The following MEP1B variants were observed in gnomAD, a reference collection of about 807,000 sequenced individuals.
The protein encoded by MEP1B is meprin A subunit beta.
MEP1B carries 80 observed loss-of-function variants against 84.6 expected under a neutral mutation model. That is an observed-to-expected ratio of 0.95 (90% confidence interval 0.79 to 1.14). The LOEUF (loss-of-function observed/expected upper bound fraction) is 1.14, where lower values mean the gene tolerates loss of function less well. MEP1B is among the 50% of genes most tolerant of loss of function. MEP1B has a pLI of 0.00. For missense variants in MEP1B, 766 were observed against 855.1 expected (o/e 0.90, Z 1.30); for synonymous variants, 273 against 288.1 (o/e 0.95, Z 0.53).
At chr18:32,209,818 A>AC (rs567700552) in intron 9 of MEP1B, among the ~76,000 whole-genome samples, 2 of 150,436 alleles carry the variant, frequency 1.3e-5, no homozygotes, top group South Asian at 2.1e-4. Context: ...TAAAAAAAAA[A>AC]GGGGGGCGGG....
intron 5 of MEP1B, among the ~76,000 whole-genome samples, chr18:32,197,929 T>C (rs1036219207): frequency 2.0e-5 from 3 of 152,196 alleles, no homozygotes; most frequent in African/African-American, 7.2e-5. Flanking sequence ...TTTGTTCTCA[T>C]CTTTACATCC....
intron 5 of MEP1B, among the ~76,000 whole-genome samples, chr18:32,201,376 G>A (rs1324293355): frequency 1.3e-5 from 2 of 151,128 alleles, no homozygotes; most frequent in South Asian, 2.1e-4. Context: ...CCATCTCAGC[G>A]TCCTCGGATT....
At chr18:32,211,608 A>G (rs533076041) in intron 10 of MEP1B, among the ~76,000 whole-genome samples, 5 of 152,328 alleles carry the variant, frequency 3.3e-5, no homozygotes, top group South Asian at 4.1e-4. Context: ...GAACTGGGAT[A>G]CTTATGTCTT....
chr18:32,204,308 G>A lies in MEP1B; in HGVS notation c.495G>A (p.Ser165=), dbSNP rs759506843. 7 of 1,603,346 alleles carry A rather than the reference G, an allele frequency of 4.4e-6. No homozygotes were observed. The highest frequency in any genetic ancestry group is 2.2e-5 in the East Asian group (1 of 44,704). The part of the protein sequence containing the change: ...LHALGFWHEQ[S]RSDRDDYVRI... ...CTCTGGGATTCTGGCATGAGCAGTC[G>A]CGTTCTGACCGGGATGACTATGTCA... The change falls in exon 7 of 15, where the codon TCG becomes TCA. Residue 165 remains serine, a synonymous_variant. Transcript: ENST00000269202.
rs1394903360 is a variant in MEP1B at position 32,220,095 on chromosome 18, A to G, written c.2092-136A>G. 5.4e-5 allele frequency: 40 copies of G among 738,370 alleles called. No individual in the cohort carries two copies. The Admixed American group carries it at 1.1e-3, about 19-fold the overall frequency. The allele number at this position is 738,370 out of a possible 1,614,324, so 45.7% of individuals were successfully genotyped here. A position where few individuals can be genotyped will look rare whatever the true frequency, so the allele number is the denominator to read the frequency against. The stretch of plus-strand genomic sequence containing the variant: ...GAAATGGAGACCAGGAGCAGGAGCC[A>G]TTGCCAGCTAGGAGGGAGGCCAGGA... On this transcript the variant is annotated intron_variant, in intron 14 of 14. Coordinates refer to ENST00000269202, the MANE Select transcript of MEP1B (RefSeq NM_005925.3).
At position 32,209,667 on chromosome 18, in the gene MEP1B, T is replaced by A. The variant is rs765012703; in HGVS notation, c.920-834T>A. Among the ~76,000 whole-genome samples, 95 of 150,544 alleles carry A rather than the reference T, an allele frequency of 6.3e-4. 1 individual carries two copies. The highest frequency in any genetic ancestry group is 1.1e-3 in the Non-Finnish European group (78 of 67,848). ...AATTTTTTCATTACAAGTATCATTT[T>A]AAAAATATTAAAATGTGAATCTCCC... On this transcript the variant is annotated intron_variant, in intron 9 of 14. Coordinates refer to ENST00000269202, the MANE Select transcript of MEP1B (RefSeq NM_005925.3).
chr18:32,198,168 G>C (rs2040874816), intron 5 of MEP1B, among the ~76,000 whole-genome samples: 1 of 152,204 alleles, frequency 6.6e-6, no homozygotes, highest in South Asian at 2.1e-4. Flanking sequence ...ATTATAAGCA[G>C]AGGACGCTAT....
chr18:32,198,034 C>T (rs1275469847), intron 5 of MEP1B, among the ~76,000 whole-genome samples: 2 of 152,154 alleles, frequency 1.3e-5, no homozygotes, highest in Admixed American at 1.3e-4. Flanking sequence ...TCAGTGGAGA[C>T]TCACATAAAT....
chr18:32,190,273 T>C, intron 1 of MEP1B, 140 bp downstream of exon 1: 2 of 666,390 alleles, frequency 3.0e-6, no homozygotes, highest in Non-Finnish European at 5.2e-6. Flanking sequence ...TTCTTGGAGA[T>C]TAGGGGTGGG....
At chr18:32,210,470 T>G in intron 9 of MEP1B, 31 bp from the exon 10 acceptor site, 1 of 1,589,780 alleles carries the variant, frequency 6.3e-7, no homozygotes, top group South Asian at 1.1e-5. Flanking sequence ...CCAGTATCTG[T>G]TTTTCTCTCA....
chr18:32,190,155 G>T (rs1157031657), intron 1 of MEP1B, 22 bp downstream of exon 1: 7 of 1,588,648 alleles, frequency 4.4e-6, no homozygotes, highest in Middle Eastern at 1.7e-4. Context: ...GTATATAGAA[G>T]ATAATTTAAA....
At chr18:32,194,105 A>T (rs2040828921) in intron 4 of MEP1B, among the ~76,000 whole-genome samples, 1 of 151,886 alleles carries the variant, frequency 6.6e-6, no homozygotes, top group South Asian at 2.1e-4. Flanking sequence ...AACACATAAA[A>T]ACCTTGAGCG....
chr18:32,220,344 G>GTGGAT lies in MEP1B; in HGVS notation c.*100_*104dup. Reference sequence around the variant, plus strand: ...TTACAGCCACCTCATTCTTCTAAAAGTGGATATTTTTCTGTAAATAGCTGG... The same window carrying GTGGAT: ...TTACAGCCACCTCATTCTTCTAAAAGTGGATTGGATATTTTTCTGTAAATAGCTGG... On this transcript the variant is annotated 3_prime_UTR_variant, in exon 15 of 15. Transcript: ENST00000269202. 1 of 1,151,606 alleles carries GTGGAT rather than the reference G, an allele frequency of 8.7e-7. No homozygotes were observed. Among genetic ancestry groups the GTGGAT allele is most frequent in the Non-Finnish European group, 1.3e-6 (1 of 795,114 alleles). 71.3% of individuals were successfully genotyped at this position (1,151,606 alleles called of 1,614,324 possible). A position where few individuals can be genotyped will look rare whatever the true frequency, so the allele number is the denominator to read the frequency against.
chr18:32,216,364 T>C (rs1016093488), intron 12 of MEP1B, among the ~76,000 whole-genome samples: 12 of 152,290 alleles, frequency 7.9e-5, no homozygotes, highest in East Asian at 1.9e-4. Context: ...TCTTTGACCA[T>C]AGCGATTTCA....
chr18:32,206,593 C>T (rs1002966767), intron 7 of MEP1B, among the ~76,000 whole-genome samples: 4 of 151,998 alleles, frequency 2.6e-5, no homozygotes, highest in Admixed American at 6.5e-5. Flanking sequence ...CCATGCCTGG[C>T]TAATTTTTAA....
chr18:32,203,185 T>G, intron 6 of MEP1B, 175 bp downstream of exon 6: 1 of 516,962 alleles, frequency 1.9e-6, no homozygotes, highest in South Asian at 3.0e-5. Flanking sequence ...GAAATTATAT[T>G]CCCATACATG....
chr18:32,214,284 A>T (rs335515), intron 11 of MEP1B, among the ~76,000 whole-genome samples: 97,778 of 151,956 alleles, frequency 0.64, 31,864 homozygotes, highest in East Asian at 0.88. Flanking sequence ...CTGAAAGCAA[A>T]GATCACACTA....
At chr18:32,217,142 C>G (rs1343868721) in intron 13 of MEP1B, 25 bp downstream of exon 13, 1 of 1,606,858 alleles carries the variant, frequency 6.2e-7, no homozygotes, top group African/African-American at 1.3e-5. Flanking sequence ...AAAGAGATCT[C>G]TCCATTCTTT....
intron 5 of MEP1B, among the ~76,000 whole-genome samples, chr18:32,199,675 C>T (rs2040891435): frequency 7.1e-6 from 1 of 140,148 alleles, no homozygotes; most frequent in African/African-American, 3.1e-5. Flanking sequence ...TTCGTTCCTT[C>T]CTTCCTTCCT....
Sources: allele counts gnomAD v4.1 joint callset (sites outside exome capture counted in the v4.1 genomes callset), GRCh38; gene constraint gnomAD v4.1.1; transcripts MANE v1.5; gene names NCBI Gene and HGNC (gene_info 2026-07-23, HGNC 2026-07-21).